The following THADA variants were observed in gnomAD, a reference collection of about 807,000 sequenced individuals.
The protein encoded by THADA is THADA armadillo repeat containing, also known as tRNA (32-2'-O)-methyltransferase regulator THADA.
THADA carries 213 observed loss-of-function variants against 219.8 expected under a neutral mutation model. That is an observed-to-expected ratio of 0.97 (90% CI 0.87 to 1.09). The LOEUF (loss-of-function observed/expected upper bound fraction) is 1.09, where lower values mean the gene tolerates loss of function less well. Among genes scored for constraint, THADA ranks in the 50% least tolerant of loss-of-function variants. THADA has a pLI of 0.00. For missense variants in THADA, 2,956 were observed against 2,311.3 expected (o/e 1.28, Z -5.72); for synonymous variants, 1,018 against 828.9 (o/e 1.23, Z -3.92).
chr2:43,436,995 C>T (rs1262813132), intron 26 of THADA, among the ~76,000 whole-genome samples: 2 of 152,170 alleles, frequency 1.3e-5, no homozygotes, highest in African/African-American at 4.8e-5. Flanking sequence ...ACGAAGATCT[C>T]TCCAAAATGG....
chr2:43,355,127 T>C (rs369959510), intron 29 of THADA, among the ~76,000 whole-genome samples: 21 of 152,344 alleles, frequency 1.4e-4, no homozygotes, highest in African/African-American at 4.8e-4. Flanking sequence ...ACCATTCATC[T>C]GCTGATGGAC....
At chr2:43,491,314 T>C (rs186951509) in intron 25 of THADA, among the ~76,000 whole-genome samples, 3 of 152,356 alleles carry the variant, frequency 2.0e-5, no homozygotes, top group Admixed American at 1.3e-4. Context: ...CAATAAAACA[T>C]GTCCCTTTTT....
chr2:43,396,046 C>G (rs966521950), intron 29 of THADA, among the ~76,000 whole-genome samples: 3 of 152,198 alleles, frequency 2.0e-5, no homozygotes, highest in African/African-American at 4.8e-5. Flanking sequence ...CATGAGCCCC[C>G]ACACCAGCCT....
At chr2:43,310,377 T>C (rs1677373083) in intron 31 of THADA, among the ~76,000 whole-genome samples, 2 of 152,116 alleles carry the variant, frequency 1.3e-5, no homozygotes, top group African/African-American at 2.4e-5. Flanking sequence ...AGTGTGCTCC[T>C]GGCATAAGGA....
intron 25 of THADA, among the ~76,000 whole-genome samples, chr2:43,486,188 A>T (rs758187259): frequency 6.6e-6 from 1 of 152,204 alleles, no homozygotes; most frequent in Admixed American, 6.5e-5. Flanking sequence ...TCAGCTTCAC[A>T]ATGCAAGTAA....
chr2:43,557,608 C>T (rs1298321898), intron 16 of THADA, among the ~76,000 whole-genome samples: 1 of 152,178 alleles, frequency 6.6e-6, no homozygotes, highest in Middle Eastern at 3.2e-3. Flanking sequence ...GAAGACAGAA[C>T]AAAGGACAGT....
At position 43,383,200 on chromosome 2, in the gene THADA, CAG is replaced by C. The variant is rs367855660; in HGVS notation, c.4227+14769_4227+14770del. 9.9e-5 allele frequency among the ~76,000 whole-genome samples: 15 copies of C among 152,200 alleles called. 1 individual carries two copies. Among genetic ancestry groups the C allele is most frequent in the African/African-American group, 3.6e-4 (15 of 41,508 alleles). ...TTAATAAAAGATGCATCTAACCACA[CAG>C]AGATGATTGACAGTATCAAAATTGG... is the stretch of plus-strand genomic sequence containing the variant. On this transcript the variant is annotated intron_variant, in intron 29 of 37. Transcript: ENST00000405975.
chr2:43,544,158 G>A (rs1317813452), intron 20 of THADA, among the ~76,000 whole-genome samples: 1 of 152,132 alleles, frequency 6.6e-6, no homozygotes, highest in African/African-American at 2.4e-5. Flanking sequence ...GTTTTTCTCA[G>A]GTTTGTCAAA....
At chr2:43,296,076 C>T (rs1675339129) in intron 31 of THADA, among the ~76,000 whole-genome samples, 1 of 151,946 alleles carries the variant, frequency 6.6e-6, no homozygotes, top group Admixed American at 6.6e-5. Context: ...CATGCCACCA[C>T]GCCTGGCTAA....
rs190910093 is a variant in THADA, at chr2:43,294,792, A to C, written c.4439-1579T>G. Among the ~76,000 whole-genome samples the C allele has an allele frequency of 2.8e-3, 433 of 152,270 alleles. 2 individuals are homozygous for C. The highest frequency in any genetic ancestry group is 6.8e-3 in the Middle Eastern group (2 of 294). ...GGAATCAGGAGAAGGTGGGTTTAAG[A>C]AACGCTGAAGGTCTGAAGCCAAGGT... is the stretch of plus-strand genomic sequence containing the variant. On this transcript the variant is annotated intron_variant, in intron 31 of 37. Coordinates refer to ENST00000405975, the MANE Select transcript of THADA (RefSeq NM_022065.5).
chr2:43,322,634 A>G (rs1269663826), intron 30 of THADA, among the ~76,000 whole-genome samples: 4 of 134,670 alleles, frequency 3.0e-5, no homozygotes, highest in African/African-American at 8.5e-5. Context: ...GGCAACCGCT[A>G]TTACTACTTT....
chr2:43,560,544 C>T (rs1558973791), intron 15 of THADA, among the ~76,000 whole-genome samples, 159 bp from the exon 16 acceptor site: 1 of 152,108 alleles, frequency 6.6e-6, no homozygotes, highest in African/African-American at 2.4e-5. Flanking sequence ...TAATTTATTT[C>T]TTAAAATGAC....
At chr2:43,531,008 G>A (rs1002208854) in intron 21 of THADA, among the ~76,000 whole-genome samples, 2 of 152,144 alleles carry the variant, frequency 1.3e-5, no homozygotes, top group Admixed American at 6.5e-5. Flanking sequence ...TGAAGATAAT[G>A]TAAAATTCCT....
intron 25 of THADA, among the ~76,000 whole-genome samples, chr2:43,487,589 C>T (rs72613902): frequency 0.21 from 31,622 of 152,046 alleles, 3,434 homozygotes; most frequent in South Asian, 0.28. Context: ...ATTTGTGTTC[C>T]CCAAAAATTC....
chr2:43,294,159 G>C (rs1352802372), intron 31 of THADA, among the ~76,000 whole-genome samples: 1 of 151,892 alleles, frequency 6.6e-6, no homozygotes, highest in Non-Finnish European at 1.5e-5. Context: ...TAAGTTTTAT[G>C]GTCTACCTTT....
At chr2:43,244,827 C>T (rs1668965484) in intron 36 of THADA, among the ~76,000 whole-genome samples, 1 of 152,256 alleles carries the variant, frequency 6.6e-6, no homozygotes, top group African/African-American at 2.4e-5. Flanking sequence ...GCCTCCAACT[C>T]TGACCAGGTG....
intron 31 of THADA, 138 bp from the exon 32 acceptor site, chr2:43,293,351 G>T: frequency 1.0e-6 from 1 of 955,002 alleles, no homozygotes. Flanking sequence ...ACTGTCATAA[G>T]TGAGTGGCCC....
At chr2:43,529,910 G>A (rs1693645705) in intron 21 of THADA, among the ~76,000 whole-genome samples, 1 of 152,112 alleles carries the variant, frequency 6.6e-6, no homozygotes, top group Non-Finnish European at 1.5e-5. Flanking sequence ...CCAGTATTTA[G>A]GACACAGGTT....
At chr2:43,539,207 C>T (rs138331588) in intron 21 of THADA, among the ~76,000 whole-genome samples, 5 of 152,324 alleles carry the variant, frequency 3.3e-5, no homozygotes, top group South Asian at 2.1e-4. Context: ...TCACCTAAGG[C>T]TTGACTCTTA....
Sources: gnomAD v4.1 joint callset for allele counts (sites outside exome capture counted in the v4.1 genomes callset) on GRCh38, gnomAD v4.1.1 for gene constraint, MANE v1.5 for transcripts, NCBI Gene and HGNC (gene_info 2026-07-23, HGNC 2026-07-21) for gene names.